The following FHAD1 variants were observed in gnomAD, a reference collection of about 807,000 sequenced individuals.
FHAD1 encodes the protein forkhead-associated domain-containing protein 1.
A neutral mutation model predicts 191.3 loss-of-function variants in FHAD1; 146 were observed. The ratio of observed to expected loss-of-function variants is 0.76; its 90% confidence interval spans 0.67 to 0.88. FHAD1 has a LOEUF of 0.88. FHAD1 is among the 40% of genes least tolerant of loss of function. The pLI, the probability that FHAD1 is intolerant of heterozygous loss-of-function variation, is 0.00. For synonymous variants in FHAD1, 616 were observed against 672.3 expected, an observed-to-expected ratio of 0.92 and a Z score of 1.29; for missense variants, 1,635 against 1,785.8, an observed-to-expected ratio of 0.92 and a Z score of 1.52.
Position 15,358,064 on chromosome 1 carries a change from T to C in FHAD1, c.2563-46T>C, listed in dbSNP as rs568153127. ...GGGGGATAAGGGGGCTGGGTAAATA[T>C]GTATTCCTGAATGTCTGTTATTTTG... On this transcript the variant is annotated intron_variant, in intron 20 of 33. Coordinates refer to ENST00000688493, the MANE Select transcript of FHAD1 (RefSeq NM_001391957.1). 6 of 1,362,386 alleles carry C rather than the reference T, an allele frequency of 4.4e-6. No homozygotes were observed. The East Asian group carries it at 7.7e-5, about 17-fold the overall frequency. 84.4% of individuals were successfully genotyped at this position (1,362,386 alleles called of 1,614,324 possible).
intron 33 of FHAD1, among the ~76,000 whole-genome samples, chr1:15,393,430 G>GCACACA (rs57536175): frequency 0.11 from 15,582 of 146,754 alleles, 934 homozygotes; most frequent in South Asian, 0.2. Flanking sequence ...ACACACACAC[G>GCACACA]CACACACACA....
chr1:15,304,624 G>A (rs1000734418), intron 6 of FHAD1, among the ~76,000 whole-genome samples: 2 of 152,112 alleles, frequency 1.3e-5, no homozygotes, highest in African/African-American at 4.8e-5. Flanking sequence ...AGAGTTGCAT[G>A]TCCCCACAGA....
intron 3 of FHAD1, among the ~76,000 whole-genome samples, chr1:15,274,378 C>T (rs1282074656): frequency 6.6e-6 from 1 of 152,044 alleles, no homozygotes; most frequent in Non-Finnish European, 1.5e-5. Flanking sequence ...GAGGCCGAGC[C>T]GGGCAGATTG....
At chr1:15,300,143 T>G (rs1278047133) in intron 5 of FHAD1, among the ~76,000 whole-genome samples, 2 of 152,246 alleles carry the variant, frequency 1.3e-5, no homozygotes, top group African/African-American at 2.4e-5. Context: ...CTTCCTGATA[T>G]TTTATTGATG....
At position 15,293,457 on chromosome 1, in the gene FHAD1, T is replaced by C. The variant is rs188980659; in HGVS notation, c.569-3227T>C. On this transcript the variant is annotated intron_variant, in intron 4 of 33. Coordinates refer to ENST00000688493, the MANE Select transcript of FHAD1 (RefSeq NM_001391957.1). ...CCTTGTGGCCAGGCGCGGTGGCTCATGCCTGTAATCTCAGCACTTTGGGAG... is the reference window on the plus strand; with the variant it reads ...CCTTGTGGCCAGGCGCGGTGGCTCACGCCTGTAATCTCAGCACTTTGGGAG... Among the ~76,000 whole-genome samples, 1,116 of 152,260 alleles carry C rather than the reference T, an allele frequency of 7.3e-3. 8 individuals are homozygous for C. The highest frequency in any genetic ancestry group is 0.013 in the African/African-American group (523 of 41,560).
chr1:15,263,547 C>T (rs1164649959), intron 2 of FHAD1, among the ~76,000 whole-genome samples: 4 of 123,182 alleles, frequency 3.2e-5, no homozygotes, highest in Admixed American at 1.1e-4. Context: ...TCTGAGACAG[C>T]GTCTCGCTCT....
At position 15,365,948 on chromosome 1, in the gene FHAD1, TG is replaced by T; in HGVS notation, c.3154+17del. On this transcript the variant is annotated intron_variant, in intron 24 of 33. Coordinates refer to ENST00000688493, the MANE Select transcript of FHAD1 (RefSeq NM_001391957.1). The stretch of plus-strand genomic sequence containing the variant: ...GGATTTGAGAGGTTTGAACAATTTC[TG>T]GTGTCTCTTGACCTCCTGACCCACT... The T allele has an allele frequency of 6.6e-7, 1 of 1,514,890 alleles. No homozygotes were observed. Among genetic ancestry groups the T allele is most frequent in the Non-Finnish European group, 9.0e-7 (1 of 1,113,492 alleles). 93.8% of individuals were successfully genotyped at this position (1,514,890 alleles called of 1,614,324 possible). A position where few individuals can be genotyped will look rare whatever the true frequency, so the allele number is the denominator to read the frequency against.
chr1:15,378,499 C>T (rs1274331260), intron 28 of FHAD1, among the ~76,000 whole-genome samples: 3 of 152,136 alleles, frequency 2.0e-5, no homozygotes, highest in African/African-American at 7.2e-5. Flanking sequence ...CCTCCGGACT[C>T]CTGCAAGCTG....
chr1:15,381,597 G>C lies in FHAD1; in HGVS notation c.4022+146G>C, dbSNP rs937168799. 12 of 654,834 alleles carry C rather than the reference G, an allele frequency of 1.8e-5. No homozygotes were observed. Among genetic ancestry groups the C allele is most frequent in the Non-Finnish European group, 3.2e-5 (12 of 378,624 alleles). 40.6% of individuals were successfully genotyped at this position (654,834 alleles called of 1,614,324 possible). A position where few individuals can be genotyped will look rare whatever the true frequency, so the allele number is the denominator to read the frequency against. On this transcript the variant is annotated intron_variant, in intron 30 of 33. Coordinates refer to ENST00000688493, the MANE Select transcript of FHAD1 (RefSeq NM_001391957.1). This position sits in a 1 kb window ranked among gnomAD's most constrained non-coding sequence, Gnocchi z 4.6. Reference sequence around the variant, plus strand: ...CCTGCAATGTCAGAAGGGGACCAGGGAGGGCACTGACTAGGCCTGGTAGAG... The same window carrying C: ...CCTGCAATGTCAGAAGGGGACCAGGCAGGGCACTGACTAGGCCTGGTAGAG...
chr1:15,272,477 G>A lies in FHAD1; in HGVS notation c.248G>A (p.Arg83Lys). ...AVKLIPGDILRFGSAGLTYEL... is the reference protein window; with the variant it reads ...AVKLIPGDILKFGSAGLTYEL... ...AAGCTCATCCCTGGAGACATCCTGA[G>A]ATTTGGGTCTGCAGGGCTGACCTAT... The change falls in exon 3 of 34, where the codon AGA becomes AAA. Residue 83 changes from arginine to lysine, a missense_variant. Coordinates refer to ENST00000688493, the MANE Select transcript of FHAD1 (RefSeq NM_001391957.1). The A allele has an allele frequency of 6.4e-7, 1 of 1,551,020 alleles. No homozygotes were observed.
chr1:15,397,430 C>G lies in FHAD1; in HGVS notation c.*17C>G, dbSNP rs756675940. On this transcript the variant is annotated 3_prime_UTR_variant, in exon 34 of 34. Coordinates refer to ENST00000688493, the MANE Select transcript of FHAD1 (RefSeq NM_001391957.1). ...AAGTACTAGAGAAACCTCGTCCCAC[C>G]AGGCCTCATGTGATCCTCTGTGAGT... 5 of 1,336,116 alleles carry G rather than the reference C, an allele frequency of 3.7e-6. No homozygotes were observed. Among genetic ancestry groups the G allele is most frequent in the South Asian group, 1.4e-5 (1 of 74,010 alleles). The allele number at this position is 1,336,116 out of a possible 1,614,324, so 82.8% of individuals were successfully genotyped here. A position where few individuals can be genotyped will look rare whatever the true frequency, so the allele number is the denominator to read the frequency against.
rs768448526 is a variant in FHAD1, at chr1:15,363,840, C to T, written c.3047+1114C>T. 6.2e-5 allele frequency: 28 copies of T among 454,208 alleles called. No homozygotes were observed. In the East Asian group the frequency reaches 1.7e-3, roughly 27 times the overall value. 28.1% of individuals were successfully genotyped at this position (454,208 alleles called of 1,614,324 possible). A position where few individuals can be genotyped will look rare whatever the true frequency, so the allele number is the denominator to read the frequency against. On this transcript the variant is annotated intron_variant, in intron 23 of 33. Coordinates refer to ENST00000688493, the MANE Select transcript of FHAD1 (RefSeq NM_001391957.1). ...AGAAAGCAGCACGTAAAGAAGGAGG[C>T]GCCGATGGGATGCAGTGGAGGGATT...
At chr1:15,375,931 A>G (rs776572456) in intron 28 of FHAD1, among the ~76,000 whole-genome samples, 2 of 152,192 alleles carry the variant, frequency 1.3e-5, no homozygotes, top group Admixed American at 6.5e-5. Context: ...TGCCCACAGT[A>G]TGGTTCCGCA....
intron 3 of FHAD1, among the ~76,000 whole-genome samples, chr1:15,279,998 T>C (rs1022497618): frequency 3.3e-5 from 5 of 152,206 alleles, no homozygotes; most frequent in African/African-American, 1.2e-4. Context: ...AATAATCCAT[T>C]CTCTATCAGG....
At chr1:15,382,911 T>A (rs1557430306) in intron 31 of FHAD1, among the ~76,000 whole-genome samples, 1 of 152,144 alleles carries the variant, frequency 6.6e-6, no homozygotes, top group African/African-American at 2.4e-5. Flanking sequence ...TGAGATTTGC[T>A]CCCTGGCACA....
Position 15,247,382 on chromosome 1 carries a change from C to T in FHAD1, c.-28C>T. On this transcript the variant is annotated 5_prime_UTR_variant, in exon 1 of 34. Transcript: ENST00000688493. ...TCGGCGGAGGTCGGAGCGTGGGCTT[C>T]CTCCTCCCGCCAGGTGAGTGCGGCG... 4.7e-6 allele frequency: 1 copy of T among 214,704 alleles called. No homozygotes were observed. The highest frequency in any genetic ancestry group is 3.9e-5 in the South Asian group (1 of 25,398). The allele number at this position is 214,704 out of a possible 1,614,324, so 13.3% of individuals were successfully genotyped here.
rs547494796 is a variant in FHAD1, at chr1:15,393,769, C to CT, written c.4323+2519dup. Among the ~76,000 whole-genome samples, 1,363 of 143,862 alleles carry CT rather than the reference C, an allele frequency of 9.5e-3. 15 individuals carry two copies. The highest frequency in any genetic ancestry group is 0.028 in the African/African-American group (1,101 of 39,536). The allele number at this position is 143,862 out of a possible 152,430, so 94.4% of individuals were successfully genotyped here. On this transcript the variant is annotated intron_variant, in intron 33 of 33. Coordinates refer to ENST00000688493, the MANE Select transcript of FHAD1 (RefSeq NM_001391957.1). The stretch of plus-strand genomic sequence containing the variant: ...AGACATGAGCCACTGCCCCTGGCCT[C>CT]TTTTTTTTTTTTTAAGTAAATACAC...
intron 19 of FHAD1, among the ~76,000 whole-genome samples, chr1:15,351,447 G>A (rs1244862240): frequency 1.3e-5 from 2 of 152,170 alleles, no homozygotes; most frequent in Non-Finnish European, 2.9e-5. Flanking sequence ...GTTAAGGCAA[G>A]GGCACTGGTG....
intron 10 of FHAD1, among the ~76,000 whole-genome samples, chr1:15,323,819 C>A (rs538133068): frequency 6.6e-6 from 1 of 152,322 alleles, no homozygotes; most frequent in South Asian, 2.1e-4. Context: ...TAAACGCCTT[C>A]TTTTGCAGGC....
Sources: allele counts gnomAD v4.1 joint callset (sites outside exome capture counted in the v4.1 genomes callset), GRCh38; gene constraint gnomAD v4.1.1; non-coding constraint Gnocchi (gnomAD v3.1); transcripts MANE v1.5; gene names NCBI Gene and HGNC (gene_info 2026-07-23, HGNC 2026-07-21).